Variants in PLXNA4 observed in about 807,000 individuals in gnomAD.
The protein encoded by PLXNA4 is plexin A4, also known as plexin-A4.
In PLXNA4, 44 loss-of-function variants were observed where a neutral mutation model predicts 191.8. That is an observed-to-expected ratio of 0.23 (90% CI 0.18 to 0.29). The LOEUF (loss-of-function observed/expected upper bound fraction) is 0.29, where lower values mean the gene tolerates loss of function less well. Among genes scored for constraint, PLXNA4 ranks in the 10% least tolerant of loss-of-function variants. The pLI, the probability that PLXNA4 is intolerant of heterozygous loss-of-function variation, is 1.00. For synonymous variants in PLXNA4, 1,082 were observed against 1,009.5 expected, an observed-to-expected ratio of 1.07 and a Z score of -1.36; for missense variants, 1,800 against 2,488.8, an observed-to-expected ratio of 0.72 and a Z score of 5.89.
chr7:132,606,313 A>T lies in PLXNA4; in HGVS notation c.-87+39615T>A, dbSNP rs76414988. Among the ~76,000 whole-genome samples the T allele has an allele frequency of 2.9e-4, 44 of 152,290 alleles. No homozygotes were observed. In the East Asian group the frequency reaches 7.9e-3, roughly 27 times the overall value. On this transcript the variant is annotated intron_variant, in intron 2 of 4. Transcript: ENST00000378539. Reference sequence around the variant, plus strand: ...CAGCCTTCAGAGCTGTGAGAGAATAAATTTCTGTTGTTTTAAGCCACCTAG... The same window carrying T: ...CAGCCTTCAGAGCTGTGAGAGAATATATTTCTGTTGTTTTAAGCCACCTAG...
At chr7:132,314,612 A>G (rs1801872323) in intron 3 of PLXNA4, among the ~76,000 whole-genome samples, 1 of 151,904 alleles carries the variant, frequency 6.6e-6, no homozygotes, top group Non-Finnish European at 1.5e-5. Context: ...ATCAAGAAAA[A>G]CTGAGATTTT....
intron 4 of PLXNA4, among the ~76,000 whole-genome samples, chr7:132,284,122 A>G (rs973580917): frequency 6.6e-6 from 1 of 152,222 alleles, no homozygotes; most frequent in Non-Finnish European, 1.5e-5. Context: ...ACAGTGAGCT[A>G]TGATGGCACC....
intron 4 of PLXNA4, among the ~76,000 whole-genome samples, chr7:132,270,236 T>C (rs1269673798): frequency 3.9e-5 from 6 of 152,208 alleles, no homozygotes; most frequent in Admixed American, 3.9e-4. Flanking sequence ...ATAATTGCCG[T>C]GCCTGGGACT....
At position 132,492,176 on chromosome 7, in the gene PLXNA4, G is replaced by A. The variant is rs1448212720; in HGVS notation, c.1189-2702C>T. ...CACTGCACAGGGTGGGGACACTGAG[G>A]CAGGGACAAAGGGAGTCCTTGTTTC... On this transcript the variant is annotated intron_variant, in intron 2 of 31. Transcript: ENST00000321063. Among the ~76,000 whole-genome samples the A allele has an allele frequency of 2.0e-5, 3 of 152,200 alleles. No homozygotes were observed. The East Asian group carries it at 5.8e-4, about 29-fold the overall frequency.
intron 20 of PLXNA4, among the ~76,000 whole-genome samples, chr7:132,178,775 AGCCTCCAGCACTGCC>A (rs1796572925): frequency 9.0e-6 from 1 of 110,504 alleles, no homozygotes; most frequent in Non-Finnish European, 1.8e-5. Flanking sequence ...ACACACACAC[AGCCTCCAGCACTGCC>A]CACAGCTGCC....
intron 3 of PLXNA4, chr7:132,384,896 T>G: frequency 1.6e-6 from 2 of 1,215,548 alleles, no homozygotes; most frequent in Non-Finnish European, 2.1e-6. Flanking sequence ...ATCAGTTAGT[T>G]TCACTGACAT....
intron 2 of PLXNA4, among the ~76,000 whole-genome samples, chr7:132,502,252 A>G (rs1018309520): frequency 6.6e-6 from 1 of 152,148 alleles, no homozygotes; most frequent in Admixed American, 6.5e-5. Context: ...TCTCCTGCTC[A>G]GGACTGCCAT....
intron 1 of PLXNA4, among the ~76,000 whole-genome samples, chr7:132,536,152 G>GCAATGCAC (rs1315379447): frequency 2.0e-5 from 3 of 152,198 alleles, no homozygotes; most frequent in Non-Finnish European, 4.4e-5. Flanking sequence ...GGGCTTTTGT[G>GCAATGCAC]AAGATTAAAT....
intron 3 of PLXNA4, among the ~76,000 whole-genome samples, chr7:132,323,245 C>T (rs1802243111): frequency 2.0e-5 from 3 of 152,182 alleles, no homozygotes; most frequent in Admixed American, 6.5e-5. Flanking sequence ...TCATGAAACT[C>T]AACAGACAGA....
At position 132,211,088 on chromosome 7, in the gene PLXNA4, T is replaced by C; in HGVS notation, c.2153A>G (p.Lys718Arg). 3.1e-6 allele frequency: 5 copies of C among 1,596,800 alleles called. No individual in the cohort carries two copies. Among genetic ancestry groups the C allele is most frequent in the Non-Finnish European group, 4.3e-6 (5 of 1,171,444 alleles). Residue 718 changes from lysine (K) to arginine (R), a missense_variant, in exon 10 of 32, where the codon AAG becomes AGG. By Grantham distance (26) the Lys-to-Arg change is conservative. Transcript: ENST00000321063. ...GTTCTTGGCCTTCAGCGTGATAGGC[T>C]TGATCACCTCCACGGGCACCAGGAT... ...DKILVPVEVI[K>R]PITLKAKNLP...
rs370549958 is a variant in PLXNA4, at chr7:132,615,927, A to ATCTCTCTCTCTCTCTCTCTCTCTCTCTC, written c.-87+29973_-87+30000dup. Among the ~76,000 whole-genome samples, 68 of 83,772 alleles carry ATCTCTCTCTCTCTCTCTCTCTCTCTCTC rather than the reference A, an allele frequency of 8.1e-4. 4 individuals carry two copies. The highest frequency in any genetic ancestry group is 1.3e-3 in the African/African-American group (32 of 25,282). 55.0% of individuals were successfully genotyped at this position (83,772 alleles called of 152,430 possible). On this transcript the variant is annotated intron_variant, in intron 2 of 4. Coordinates refer to the PLXNA4 transcript ENST00000378539. ...TAACACACTTTTTGACAGATAAAGG[A>ATCTCTCTCTCTCTCTCTCTCTCTCTCTC]TCTCTCTCTCTCTCTCTCTCTCTCT...
chr7:132,355,578 A>G (rs1205811429), intron 3 of PLXNA4, among the ~76,000 whole-genome samples: 1 of 152,196 alleles, frequency 6.6e-6, no homozygotes, highest in Non-Finnish European at 1.5e-5. Context: ...GGTACTAACC[A>G]TGTGCCTGGC....
intron 14 of PLXNA4, among the ~76,000 whole-genome samples, chr7:132,188,026 T>G (rs1209193400): frequency 1.3e-5 from 2 of 149,002 alleles, no homozygotes; most frequent in African/African-American, 4.9e-5. Context: ...AAAAAAAAAA[T>G]GGCATAACTG....
In PLXNA4 at chr7:132,507,667, G is replaced by C. The variant is rs1563140427; in HGVS notation, c.1027C>G (p.Gln343Glu). ...TCCAGGGATTTCATTTTCCGCTTCT[G>C]GCCCTTGGAGAAGACGGTGAAGAGC... ...DLLFTVFSKG[Q>E]KRKMKSLDES... is the part of the protein sequence containing the mutation. The change falls in exon 2 of 32, where the codon CAG becomes GAG. Residue 343 changes from glutamine to glutamate, a missense_variant. Physicochemically the swap from Gln to Glu is conservative, Grantham distance 29. Around this residue, in one of 6 missense-constraint regions of PLXNA4, gnomAD observed 1,397 missense variants for 1,880.4 expected, o/e 0.74. Coordinates refer to ENST00000321063, the MANE Select transcript of PLXNA4 (RefSeq NM_020911.2). 1 of 1,614,210 alleles carries C rather than the reference G, an allele frequency of 6.2e-7. No individual in the cohort carries two copies. The highest frequency in any genetic ancestry group is 8.5e-7 in the Non-Finnish European group (1 of 1,180,048).
At chr7:132,296,815 G>A (rs781620296) in intron 4 of PLXNA4, among the ~76,000 whole-genome samples, 77 of 152,018 alleles carry the variant, frequency 5.1e-4, no homozygotes, top group Admixed American at 7.9e-4. Context: ...GGGAAGCCTC[G>A]TGCCCAGCTG....
At position 132,174,883 on chromosome 7, in the gene PLXNA4, G is replaced by T; in HGVS notation, c.3912C>A (p.Thr1304=). 1 of 1,614,200 alleles carries T rather than the reference G, an allele frequency of 6.2e-7. No individual in the cohort carries two copies. Among genetic ancestry groups the T allele is most frequent in the Non-Finnish European group, 8.5e-7 (1 of 1,180,040 alleles). The change falls in exon 21 of 32, where the codon ACC becomes ACA. Residue 1304 remains threonine (T), a synonymous_variant. Transcript: ENST00000321063. ...AELQTDIHEL[T]SDLDGAGIPF... The stretch of plus-strand genomic sequence containing the variant: ...GAATCCCGGCTCCATCCAGGTCACT[G>T]GTCAGCTCATGGATGTCCGTCTGCA...
intron 30 of PLXNA4, among the ~76,000 whole-genome samples, chr7:132,134,330 C>G (rs991432369): frequency 6.6e-6 from 1 of 152,188 alleles, no homozygotes; most frequent in African/African-American, 2.4e-5. Context: ...TTTCCCTGAC[C>G]TCTAACTGTT....
At chr7:132,606,952 C>T (rs993116323) in intron 2 of PLXNA4, among the ~76,000 whole-genome samples, 4 of 152,176 alleles carry the variant, frequency 2.6e-5, no homozygotes, top group Admixed American at 2.6e-4. Flanking sequence ...TTCACACAGT[C>T]CCCTGAGCCT....
intron 2 of PLXNA4, among the ~76,000 whole-genome samples, chr7:132,584,091 T>C (rs895680756): frequency 2.0e-5 from 3 of 152,208 alleles, no homozygotes; most frequent in Non-Finnish European, 2.9e-5. Context: ...TTGATGGGCC[T>C]GGATAAGACA....
Sources: gnomAD v4.1 joint callset for allele counts (sites outside exome capture counted in the v4.1 genomes callset) on GRCh38, gnomAD v4.1.1 for gene constraint, gnomAD v4.1.1 regional missense constraint, MANE v1.5 for transcripts, NCBI Gene and HGNC (gene_info 2026-07-23, HGNC 2026-07-21) for gene names.